The following OTOGL variants were observed in gnomAD, a reference collection of about 807,000 sequenced individuals.
The protein encoded by OTOGL is otogelin like.
OTOGL carries 285 observed loss-of-function variants against 318.5 expected under a neutral mutation model. That is an observed-to-expected ratio of 0.89 (90% CI 0.81 to 0.99). OTOGL has a LOEUF of 0.99. Ranked by LOEUF, OTOGL falls within the 50% of genes least tolerant of loss-of-function variation. The pLI, the probability that OTOGL is intolerant of heterozygous loss-of-function variation, is 0.00. For synonymous variants in OTOGL, 987 were observed against 936.5 expected (o/e 1.05, Z -0.99); for missense variants, 2,899 against 2,845.6 (o/e 1.02, Z -0.43).
chr12:80,351,567 G>T (rs983739512), intron 44 of OTOGL, among the ~76,000 whole-genome samples: 2 of 152,046 alleles, frequency 1.3e-5, no homozygotes, highest in African/African-American at 4.8e-5. Flanking sequence ...ACCTGCCTCA[G>T]CCTCCCAAGC....
At chr12:80,261,522 G>A (rs1439038072) in intron 18 of OTOGL, among the ~76,000 whole-genome samples, 6 of 151,874 alleles carry the variant, frequency 4.0e-5, no homozygotes, top group Non-Finnish European at 8.8e-5. Flanking sequence ...TCTTTACTTT[G>A]AAAAAAATCA....
At chr12:80,209,634 C>T in intron 2 of OTOGL, 124 bp downstream of exon 2, 1 of 496,626 alleles carries the variant, frequency 2.0e-6, no homozygotes, top group Non-Finnish European at 3.4e-6. Context: ...CTAAATGATA[C>T]TCAGATCACC....
chr12:80,352,352 T>A lies in OTOGL; in HGVS notation c.5323T>A (p.Tyr1775Asn). The change falls in exon 45 of 59, where the codon TAT becomes AAT. Residue 1775 changes from tyrosine to asparagine, a missense_variant. Tyr to Asn is a moderately radical substitution (Grantham distance 143). Transcript: ENST00000547103. ...GATCAATTATACCTATTTTTGGAAC[T>A]ATGAATGTGATGCACTTTCTGCATA... The part of the protein sequence containing the change: ...MWINYTYFWN[Y>N]ECDALSAYVA... 2 of 1,612,702 alleles carry A rather than the reference T, an allele frequency of 1.2e-6. No individual in the cohort carries two copies. The highest frequency in any genetic ancestry group is 1.7e-6 in the Non-Finnish European group (2 of 1,179,122).
At chr12:80,197,432 G>A (rs199948940) in intron 1 of OTOGL, among the ~76,000 whole-genome samples, 1 of 152,212 alleles carries the variant, frequency 6.6e-6, no homozygotes, top group African/African-American at 2.4e-5. Context: ...CACCATGTTG[G>A]CCAGGCTGGT....
chr12:80,102,995 T>G (rs919085474), intron 1 of OTOGL: 11 of 921,234 alleles, frequency 1.2e-5, no homozygotes, highest in Admixed American at 5.1e-5. Context: ...TTTTGCTGTC[T>G]TTGTCCAGTT....
rs931614590 is a variant in OTOGL at position 80,149,385 on chromosome 12, T to C, written c.-20+49780T>C. ...CTGCTCGGGGGTCGGGGGCCAGGGG[T>C]CAGGGGTCAGGGACCCACTTGAGGA... On this transcript the variant is annotated intron_variant, in intron 1 of 58. Coordinates refer to ENST00000547103, the MANE Select transcript of OTOGL (RefSeq NM_001378609.3). Among the ~76,000 whole-genome samples the C allele has an allele frequency of 1.0e-3, 152 of 148,990 alleles. 2 individuals carry two copies. The highest frequency in any genetic ancestry group is 2.9e-3 in the African/African-American group (118 of 40,990).
intron 35 of OTOGL, among the ~76,000 whole-genome samples, chr12:80,324,148 G>A (rs1887532034): frequency 2.0e-5 from 3 of 152,142 alleles, no homozygotes; most frequent in Admixed American, 6.5e-5. Context: ...GCAACATATT[G>A]TTATGGCGGA....
In OTOGL at chr12:80,370,638, TC is replaced by T. The variant is rs1436382516; in HGVS notation, c.6685del (p.Leu2229Ter). The T allele has an allele frequency of 6.3e-7, 1 of 1,596,868 alleles. No homozygotes were observed. The highest frequency in any genetic ancestry group is 8.6e-7 in the Non-Finnish European group (1 of 1,168,986). On this transcript the variant is annotated frameshift_variant, in exon 56 of 59. Coordinates refer to ENST00000547103, the MANE Select transcript of OTOGL (RefSeq NM_001378609.3). LOFTEE classifies it high-confidence loss of function. ...TTAAAACTGATGAAGGAGCAATAAT[TC>T]TGAACTACACAATGGTCTGTCCCCC... ...CVKTDEGAIILNYTMVCPPFN... is the reference protein window; with the variant it reads ...CVKTDEGAIIXNYTMVCPPFN...
chr12:80,323,826 T>C lies in OTOGL; in HGVS notation c.4185T>C (p.Cys1395=). 1 of 1,611,342 alleles carries C rather than the reference T, an allele frequency of 6.2e-7. No homozygotes were observed. The highest frequency in any genetic ancestry group is 1.1e-5 in the South Asian group (1 of 91,022). Residue 1395 remains cysteine, a synonymous_variant, in exon 35 of 59, where the codon TGT becomes TGC. Coordinates refer to ENST00000547103, the MANE Select transcript of OTOGL (RefSeq NM_001378609.3). Reference sequence around the variant, plus strand: ...GTAGTGACCCTGAAGCACTAGCATGTAAATTTCTTCCACCGTAAGTAACGT... The same window carrying C: ...GTAGTGACCCTGAAGCACTAGCATGCAAATTTCTTCCACCGTAAGTAACGT... ...KTCSDPEALA[C]KFLPPVEGCL... is the part of the protein sequence containing the mutation.
chr12:80,338,133 A>G (rs1408868897), intron 42 of OTOGL, among the ~76,000 whole-genome samples: 1 of 152,108 alleles, frequency 6.6e-6, no homozygotes. Flanking sequence ...CAAGTAACTT[A>G]TACTTGTGCA....
chr12:80,207,012 A>G (rs953673035), intron 1 of OTOGL, among the ~76,000 whole-genome samples: 5 of 152,220 alleles, frequency 3.3e-5, no homozygotes, highest in African/African-American at 1.2e-4. Flanking sequence ...ATTTTAATTA[A>G]GTACATACGA....
intron 1 of OTOGL, among the ~76,000 whole-genome samples, chr12:80,121,306 T>C (rs964724276): frequency 2.0e-5 from 3 of 152,188 alleles, no homozygotes; most frequent in African/African-American, 7.2e-5. Flanking sequence ...GAACGATTTC[T>C]ATGTGTATGC....
At position 80,266,576 on chromosome 12, in the gene OTOGL, G is replaced by A; in HGVS notation, c.2350G>A (p.Gly784Ser). ...TGCTGAAGGCTGTAATTGTCCGGAA[G>A]GCAAATTCTATGAAGACACTCTTAA... ...DCAEGCNCPE[G>S]KFYEDTLNFC... Residue 784 changes from glycine (G) to serine (S), a missense_variant, in exon 21 of 59, where the codon GGC (glycine) becomes AGC (serine). Coordinates refer to ENST00000547103, the MANE Select transcript of OTOGL (RefSeq NM_001378609.3). 6.2e-7 allele frequency: 1 copy of A among 1,613,484 alleles called. No individual in the cohort carries two copies. The highest frequency in any genetic ancestry group is 8.5e-7 in the Non-Finnish European group (1 of 1,179,742).
In OTOGL at chr12:80,250,238, A is replaced by T. The variant is rs140335689; in HGVS notation, c.1053-1455A>T. Among the ~76,000 whole-genome samples the T allele has an allele frequency of 8.4e-3, 1,275 of 152,332 alleles. 26 individuals carry two copies. Among genetic ancestry groups the T allele is most frequent in the African/African-American group, 0.029 (1,222 of 41,578 alleles). ...ACCCATTTTTCCTATTAAAGTTATCATTCAAAATGGAAAAAATAAACTTAT... is the reference window on the plus strand; with the variant it reads ...ACCCATTTTTCCTATTAAAGTTATCTTTCAAAATGGAAAAAATAAACTTAT... On this transcript the variant is annotated intron_variant, in intron 11 of 58. Transcript: ENST00000547103.
At chr12:80,235,653 G>A (rs1480683334) in intron 9 of OTOGL, among the ~76,000 whole-genome samples, 4 of 152,054 alleles carry the variant, frequency 2.6e-5, no homozygotes, top group Non-Finnish European at 5.9e-5. Flanking sequence ...TAAAATGGTT[G>A]TTCATAGTGA....
intron 35 of OTOGL, among the ~76,000 whole-genome samples, chr12:80,326,907 G>A (rs544763134): frequency 1.7e-4 from 26 of 152,246 alleles, no homozygotes; most frequent in Admixed American, 1.5e-3. Context: ...CTTTAGTGCC[G>A]AGTTAGTTTG....
Position 80,323,477 on chromosome 12 carries a change from C to T in OTOGL, c.4082-246C>T, listed in dbSNP as rs147377310. Among the ~76,000 whole-genome samples the T allele has an allele frequency of 6.6e-4, 100 of 152,140 alleles. 1 individual carries two copies. Among genetic ancestry groups the T allele is most frequent in the African/African-American group, 2.2e-3 (92 of 41,510 alleles). ...CATTCTGGTCAACAAGGCAAAACCC[C>T]GTCTCTATTAAAAATATAAAAATTA... On this transcript the variant is annotated intron_variant, in intron 34 of 58. Coordinates refer to ENST00000547103, the MANE Select transcript of OTOGL (RefSeq NM_001378609.3).
At chr12:80,309,530 C>G (rs1194095590) in intron 29 of OTOGL, among the ~76,000 whole-genome samples, 1 of 152,104 alleles carries the variant, frequency 6.6e-6, no homozygotes, top group Non-Finnish European at 1.5e-5. Context: ...GTCTGAAATA[C>G]AGAATAGCTG....
At chr12:80,320,400 C>T in intron 33 of OTOGL, 22 bp from the exon 34 acceptor site, 1 of 1,579,412 alleles carries the variant, frequency 6.3e-7, no homozygotes, top group Middle Eastern at 1.7e-4. Flanking sequence ...CCTGAGAATC[C>T]ACACTGCTCT....
Sources: allele counts gnomAD v4.1 joint callset (sites outside exome capture counted in the v4.1 genomes callset), GRCh38; gene constraint gnomAD v4.1.1; transcripts MANE v1.5; gene names NCBI Gene and HGNC (gene_info 2026-07-23, HGNC 2026-07-21).